MTOR: variants seen among roughly 807,000 people sequenced by gnomAD.
The protein encoded by MTOR is mechanistic target of rapamycin kinase, also known as serine/threonine-protein kinase mTOR.
A neutral mutation model predicts 319.8 loss-of-function variants in MTOR; 70 were observed. The ratio of observed to expected loss-of-function variants is 0.22; its 90% CI spans 0.18 to 0.27. The LOEUF (loss-of-function observed/expected upper bound fraction) is 0.27. Ranked by LOEUF, MTOR falls within the 10% of genes least tolerant of loss-of-function variation. The pLI, the probability that MTOR is intolerant of heterozygous loss-of-function variation, is 1.00. For missense variants in MTOR, 1,890 were observed against 3,274.4 expected (o/e 0.58, Z 10.32); for synonymous variants, 1,183 against 1,211.4 (o/e 0.98, Z 0.49).
chr1:11,225,358 C>A lies in MTOR; in HGVS notation c.3030+3310G>T, dbSNP rs144277864. Among the ~76,000 whole-genome samples the A allele has an allele frequency of 4.0e-4, 60 of 151,074 alleles. No homozygotes were observed. The East Asian group carries it at 0.011, about 28-fold the overall frequency. ...GACTGACAATGACTTAACATTCTAA[C>A]ACAATTTTTTTTAAAAAGCAGAAAA... is the stretch of plus-strand genomic sequence containing the variant. On this transcript the variant is annotated intron_variant, in intron 19 of 57. Coordinates refer to ENST00000361445, the MANE Select transcript of MTOR (RefSeq NM_004958.4).
Position 11,129,039 on chromosome 1 carries a change from GC to G in MTOR, c.5715-89del. Reference sequence around the variant, plus strand: ...CATCTCTAAGGCTCCTGAGAAGAGAGCTGGCAGGGACTCCAACCAGTAACTC... The same window carrying G: ...CATCTCTAAGGCTCCTGAGAAGAGAGTGGCAGGGACTCCAACCAGTAACTC... On this transcript the variant is annotated intron_variant, in intron 40 of 57. Transcript: ENST00000361445. The surrounding 1 kb of genome is among the most constrained non-coding windows in gnomAD (Gnocchi z 4.7). 1 of 1,098,398 alleles carries G rather than the reference GC, an allele frequency of 9.1e-7. No homozygotes were observed. Among genetic ancestry groups the G allele is most frequent in the Non-Finnish European group, 1.3e-6 (1 of 742,516 alleles). The allele number at this position is 1,098,398 out of a possible 1,614,324, so 68.0% of individuals were successfully genotyped here.
chr1:11,134,272 T>C lies in MTOR; in HGVS notation c.5246+79A>G, dbSNP rs1643299871. On this transcript the variant is annotated intron_variant, in intron 37 of 57. Transcript: ENST00000361445. ...TCAGCAATCAGCCACCCAAGAAGCC[T>C]TGAACTCCTCCTTGCTGCAGAAGCT... is the stretch of plus-strand genomic sequence containing the variant. The C allele has an allele frequency of 4.5e-6, 6 of 1,342,142 alleles. No individual in the cohort carries two copies. The South Asian group carries it at 6.1e-5, about 14-fold the overall frequency. 83.1% of individuals were successfully genotyped at this position (1,342,142 alleles called of 1,614,324 possible).
intron 34 of MTOR, 189 bp downstream of exon 34, chr1:11,144,459 A>C: frequency 1.9e-6 from 1 of 537,038 alleles, no homozygotes; most frequent in South Asian, 3.0e-5. Flanking sequence ...AAAATTGGTC[A>C]TTCTCTCACA....
chr1:11,212,494 A>T lies in MTOR; in HGVS notation c.3399-20T>A, dbSNP rs1382294061. On this transcript the variant is annotated intron_variant, in intron 22 of 57. Transcript: ENST00000361445. The surrounding 1 kb of genome is among the most constrained non-coding windows in gnomAD (Gnocchi z 4.1). ...GCTGCCCTACAACAATCACTAACATACAGTAACTGCTAACATACAATCTCC... is the reference window on the plus strand; with the variant it reads ...GCTGCCCTACAACAATCACTAACATTCAGTAACTGCTAACATACAATCTCC... The T allele has an allele frequency of 6.2e-7, 1 of 1,607,416 alleles. No homozygotes were observed. Among genetic ancestry groups the T allele is most frequent in the East Asian group, 2.2e-5 (1 of 44,832 alleles).
chr1:11,108,331 C>T (rs778862520), intron 56 of MTOR, 45 bp from the exon 57 acceptor site: 18 of 1,446,292 alleles, frequency 1.2e-5, no homozygotes, highest in South Asian at 3.4e-5. Flanking sequence ...TCCTGGCAAT[C>T]GATGCACTTC....
At chr1:11,124,401 G>A (rs942106366) in intron 47 of MTOR, 97 bp downstream of exon 47, 11 of 1,465,452 alleles carry the variant, frequency 7.5e-6, no homozygotes, top group Admixed American at 2.1e-5. Context: ...TAATTTTATA[G>A]TTTTTTGTTA....
At chr1:11,224,764 G>A (rs1055447061) in intron 19 of MTOR, among the ~76,000 whole-genome samples, 1 of 152,104 alleles carries the variant, frequency 6.6e-6, no homozygotes, top group African/African-American at 2.4e-5. Flanking sequence ...AACCCTTTAA[G>A]TTTACAAATA....
chr1:11,121,973 A>G lies in MTOR; in HGVS notation c.6810+6T>C. 6.2e-7 allele frequency: 1 copy of G among 1,613,944 alleles called. No homozygotes were observed. The highest frequency in any genetic ancestry group is 8.5e-7 in the Non-Finnish European group (1 of 1,179,896). On this transcript the variant is annotated splice_donor_region_variant and intron_variant, in intron 48 of 57. Coordinates refer to ENST00000361445, the MANE Select transcript of MTOR (RefSeq NM_004958.4). The surrounding 1 kb of genome is among the most constrained non-coding windows in gnomAD (Gnocchi z 4.9). ...GGGCACTAGCTCTCGTGGCCGCATC[A>G]CATACCCGCAACATGATGCGATGCT... is the stretch of plus-strand genomic sequence containing the variant.
rs1014980715 is a variant in MTOR at position 11,107,214 on chromosome 1, T to C, written c.*271A>G. On this transcript the variant is annotated 3_prime_UTR_variant, in exon 58 of 58. Coordinates refer to ENST00000361445, the MANE Select transcript of MTOR (RefSeq NM_004958.4). ...TATTTCTAAAGTTATGGATCTTCTG[T>C]TCCCCAAAATGAATGGCTTGATTTA... 7.1e-6 allele frequency: 10 copies of C among 1,400,204 alleles called. No homozygotes were observed. Among genetic ancestry groups the C allele is most frequent in the Middle Eastern group, 1.9e-4 (1 of 5,266 alleles). The allele number at this position is 1,400,204 out of a possible 1,614,324, so 86.7% of individuals were successfully genotyped here. A position where few individuals can be genotyped will look rare whatever the true frequency, so the allele number is the denominator to read the frequency against.
intron 28 of MTOR, among the ~76,000 whole-genome samples, chr1:11,172,318 G>T (rs1571063670): frequency 6.6e-6 from 1 of 152,094 alleles, no homozygotes; most frequent in East Asian, 1.9e-4. Context: ...AGCACTTTGG[G>T]AGGCTGAGGT....
chr1:11,171,712 T>G (rs1235395229), intron 28 of MTOR, among the ~76,000 whole-genome samples: 1 of 152,046 alleles, frequency 6.6e-6, no homozygotes, highest in Non-Finnish European at 1.5e-5. Flanking sequence ...AAATTAAAAA[T>G]GTAAAAACAT....
chr1:11,143,180 G>A (rs1229904833), intron 34 of MTOR, among the ~76,000 whole-genome samples: 1 of 152,222 alleles, frequency 6.6e-6, no homozygotes, highest in Non-Finnish European at 1.5e-5. Flanking sequence ...CCCAGATGCT[G>A]AAATAATTTG....
At chr1:11,241,295 T>C (rs974242744) in intron 10 of MTOR, among the ~76,000 whole-genome samples, 1 of 123,746 alleles carries the variant, frequency 8.1e-6, no homozygotes, top group Non-Finnish European at 1.6e-5. Context: ...CACTCCAGCC[T>C]GGGCGACAGA....
At chr1:11,139,981 C>G (rs533949178) in intron 34 of MTOR, among the ~76,000 whole-genome samples, 3 of 151,878 alleles carry the variant, frequency 2.0e-5, no homozygotes, top group African/African-American at 7.3e-5. Context: ...TGAGCCAGCA[C>G]GCCCGGCCTT....
chr1:11,230,959 G>T lies in MTOR; in HGVS notation c.2745C>A (p.Val915=), dbSNP rs898100604. Residue 915 remains valine, a synonymous_variant, in exon 18 of 58, where the codon GTC becomes GTA. Transcript: ENST00000361445. ...GACTTGACTTGGATTCTGACAGGCT[G>T]ACAGCAGAGGCATCCCGGGACTGGT... is the stretch of plus-strand genomic sequence containing the variant. ...MIDQSRDASA[V]SLSESKSSQD... 6.2e-7 allele frequency: 1 copy of T among 1,613,978 alleles called. No individual in the cohort carries two copies. Among genetic ancestry groups the T allele is most frequent in the African/African-American group, 1.3e-5 (1 of 74,910 alleles).
In MTOR at chr1:11,248,109, AG is replaced by A; in HGVS notation, c.841-16del. 6.4e-7 allele frequency: 1 copy of A among 1,563,614 alleles called. No homozygotes were observed. The highest frequency in any genetic ancestry group is 8.7e-7 in the Non-Finnish European group (1 of 1,151,930). On this transcript the variant is annotated splice_polypyrimidine_tract_variant and intron_variant, in intron 6 of 57. Coordinates refer to ENST00000361445, the MANE Select transcript of MTOR (RefSeq NM_004958.4). ...TCTCTCAGACGCTATATATATGAGG[AG>A]GAAAAAAATCATCTTTACTTATGAC...
In MTOR at chr1:11,213,761, TTTCCC is replaced by T. The variant is rs1557430406; in HGVS notation, c.3118-200_3118-196del. Among the ~76,000 whole-genome samples, 281 of 152,290 alleles carry T rather than the reference TTTCCC, an allele frequency of 1.8e-3. 3 individuals are homozygous for T. Among genetic ancestry groups the T allele is most frequent in the African/African-American group, 6.5e-3 (271 of 41,562 alleles). The stretch of plus-strand genomic sequence containing the variant: ...GCTACACTGGACAAACTCAATTGCA[TTTCCC>T]CAGATGCACCAGGCTACCTCAGTCC... On this transcript the variant is annotated intron_variant, in intron 20 of 57. Transcript: ENST00000361445.
At chr1:11,108,353 G>T in intron 56 of MTOR, 67 bp from the exon 57 acceptor site, 2 of 1,191,626 alleles carry the variant, frequency 1.7e-6, no homozygotes, top group South Asian at 1.2e-5. Context: ...TGTTCCCTGT[G>T]GGCTTAACTG....
At position 11,128,737 on chromosome 1, in the gene MTOR, T is replaced by C; in HGVS notation, c.5811+118A>G. 1 of 1,040,224 alleles carries C rather than the reference T, an allele frequency of 9.6e-7. No individual in the cohort carries two copies. Among genetic ancestry groups the C allele is most frequent in the Non-Finnish European group, 1.4e-6 (1 of 692,792 alleles). 64.4% of individuals were successfully genotyped at this position (1,040,224 alleles called of 1,614,324 possible). Reference sequence around the variant, plus strand: ...ACTTGACACTGGGACCGAGCCCTACTTCCTTAGCACTGTATTAACACACAC... The same window carrying C: ...ACTTGACACTGGGACCGAGCCCTACCTCCTTAGCACTGTATTAACACACAC... On this transcript the variant is annotated intron_variant, in intron 41 of 57. Transcript: ENST00000361445. This position sits in a 1 kb window ranked among gnomAD's most constrained non-coding sequence, Gnocchi z 5.3.
Sources: gnomAD v4.1 joint callset for allele counts (sites outside exome capture counted in the v4.1 genomes callset) on GRCh38, gnomAD v4.1.1 for gene constraint, Gnocchi (gnomAD v3.1) non-coding constraint, MANE v1.5 for transcripts, NCBI Gene and HGNC (gene_info 2026-07-23, HGNC 2026-07-21) for gene names.